Variants in ZFYVE21 observed in about 807,000 individuals in gnomAD.
ZFYVE21 encodes zinc finger FYVE domain-containing protein 21.
ZFYVE21 carries 21 observed loss-of-function variants against 29.5 expected under a neutral mutation model. The observed-to-expected ratio is 0.71, with a 90% CI of 0.50 to 1.02. The LOEUF is 1.02. Among genes scored for constraint, ZFYVE21 ranks in the 50% least tolerant of loss-of-function variants. ZFYVE21 has a pLI of 0.00. For missense variants in ZFYVE21, 326 were observed against 335.4 expected, an observed-to-expected ratio of 0.97 and a Z score of 0.22; for synonymous variants, 151 against 133.8, an observed-to-expected ratio of 1.13 and a Z score of -0.89.
rs186265450 is a variant in ZFYVE21 at position 103,724,226 on chromosome 14, C to T, written c.139-2566C>T. ...AGGGGCCTGTGTTCCAGAAGGTGCT[C>T]GGCCCCGGTGACCCCACAGGCCTTG... is the stretch of plus-strand genomic sequence containing the variant. On this transcript the variant is annotated intron_variant, in intron 1 of 6. Transcript: ENST00000311141. Among the ~76,000 whole-genome samples the T allele has an allele frequency of 2.7e-3, 406 of 152,358 alleles. 3 individuals are homozygous for T. Among genetic ancestry groups the T allele is most frequent in the African/African-American group, 9.1e-3 (378 of 41,588 alleles).
intron 1 of ZFYVE21, among the ~76,000 whole-genome samples, chr14:103,717,186 G>C (rs1332870731): frequency 6.6e-6 from 1 of 152,190 alleles, no homozygotes; most frequent in East Asian, 1.9e-4. Context: ...CACTGAGCGT[G>C]TCCTGGAGAG....
Position 103,729,610 on chromosome 14 carries a change from C to T in ZFYVE21, c.526+428C>T, listed in dbSNP as rs2083957077. ...GCAGACTAAACCCCTGGTGCATTTC[C>T]TGGTGAGCTTTGGCCCATCCTGGGC... On this transcript the variant is annotated intron_variant, in intron 5 of 6. Transcript: ENST00000311141. 22 of 739,128 alleles carry T rather than the reference C, an allele frequency of 3.0e-5. No individual in the cohort carries two copies. The South Asian group carries it at 3.8e-4, about 13-fold the overall frequency. 45.8% of individuals were successfully genotyped at this position (739,128 alleles called of 1,614,324 possible).
chr14:103,728,000 C>A, intron 3 of ZFYVE21, 86 bp downstream of exon 3: 2 of 1,398,942 alleles, frequency 1.4e-6, no homozygotes, highest in Non-Finnish European at 9.6e-7. Context: ...GTGCACGGGG[C>A]GTTCTGCTTC....
chr14:103,726,951 T>TTTTTTTTTTGTTG, intron 2 of ZFYVE21, 109 bp downstream of exon 2: 30 of 1,180,194 alleles, frequency 2.5e-5, no homozygotes, highest in Non-Finnish European at 2.7e-5. Flanking sequence ...ATGGCTCGTT[T>TTTTTTTTTTGTTG]TTTTTTTTTT....
chr14:103,719,738 A>G (rs776131662), intron 1 of ZFYVE21, among the ~76,000 whole-genome samples: 2 of 151,988 alleles, frequency 1.3e-5, no homozygotes, highest in Non-Finnish European at 2.9e-5. Context: ...CAGAGCCTCC[A>G]CAGGTGTTCT....
chr14:103,724,224 C>G (rs1277405630), intron 1 of ZFYVE21, among the ~76,000 whole-genome samples: 1 of 152,248 alleles, frequency 6.6e-6, no homozygotes, highest in Non-Finnish European at 1.5e-5. Context: ...CCAGAAGGTG[C>G]TCGGCCCCGG....
rs561521645 is a variant in ZFYVE21 at position 103,729,526 on chromosome 14, G to C, written c.526+344G>C. ...ATGCAATAACTGAGATCCCCAAAAA[G>C]GTCTGAATGGTGGCTCATCGGGAGC... On this transcript the variant is annotated intron_variant, in intron 5 of 6. Coordinates refer to ENST00000311141, the MANE Select transcript of ZFYVE21 (RefSeq NM_024071.4). 5 of 581,244 alleles carry C rather than the reference G, an allele frequency of 8.6e-6. No homozygotes were observed. In the Admixed American group the frequency reaches 9.8e-5, roughly 11 times the overall value. 36.0% of individuals were successfully genotyped at this position (581,244 alleles called of 1,614,324 possible).
At chr14:103,729,871 G>A (rs1225382238) in intron 5 of ZFYVE21, 4 of 1,535,766 alleles carry the variant, frequency 2.6e-6, no homozygotes, top group Middle Eastern at 1.7e-4. Context: ...CCTCACCGGG[G>A]CTCCCCGCAT....
In ZFYVE21 at chr14:103,733,023, A is replaced by G. The variant is rs762276886; in HGVS notation, c.*5A>G. 1 of 1,614,108 alleles carries G rather than the reference A, an allele frequency of 6.2e-7. No individual in the cohort carries two copies. The highest frequency in any genetic ancestry group is 2.2e-5 in the East Asian group (1 of 44,882). On this transcript the variant is annotated 3_prime_UTR_variant, in exon 7 of 7. Transcript: ENST00000311141. ...TATGAATCTCGGGACCAGTAACTCT[A>G]CGTGGGGCTGAGCTTGGAGTACGTG...
At position 103,726,808 on chromosome 14, in the gene ZFYVE21, A is replaced by G. The variant is rs749892224; in HGVS notation, c.155A>G (p.Gln52Arg). Reference protein sequence around the residue: ...VPDKECRRCMQCDAKFDFLTR... With the variant: ...VPDKECRRCMRCDAKFDFLTR... ...CTTTCCTAGTGTCGGAGATGTATGC[A>G]GTGTGACGCCAAGTTTGACTTTCTC... The change falls in exon 2 of 7, where the codon CAG (glutamine) becomes CGG (arginine). Residue 52 changes from glutamine to arginine, a missense_variant. Physicochemically the swap from Gln to Arg is conservative, Grantham distance 43 (BLOSUM62 1). Coordinates refer to ENST00000311141, the MANE Select transcript of ZFYVE21 (RefSeq NM_024071.4). 2.4e-5 allele frequency: 38 copies of G among 1,613,788 alleles called. No individual in the cohort carries two copies. The highest frequency in any genetic ancestry group is 3.1e-5 in the Non-Finnish European group (37 of 1,179,918).
intron 1 of ZFYVE21, among the ~76,000 whole-genome samples, chr14:103,724,053 A>C (rs961961184): frequency 6.6e-6 from 1 of 152,176 alleles, no homozygotes; most frequent in Non-Finnish European, 1.5e-5. Context: ...CAGGGCAGGG[A>C]AGAGTCCCCA....
chr14:103,732,061 G>A (rs908530260), intron 5 of ZFYVE21: 1 of 152,364 alleles, frequency 6.6e-6, no homozygotes, highest in Non-Finnish European at 1.5e-5. Flanking sequence ...GCATTTCCCT[G>A]ACACTGGGCC....
rs147616069 is a variant in ZFYVE21 at position 103,726,507 on chromosome 14, T to C, written c.139-285T>C. On this transcript the variant is annotated intron_variant, in intron 1 of 6. Transcript: ENST00000311141. ...GAGGGACCTGAAGTGCCAGGATGCA[T>C]GCTCTGCTGCGAGACAGTCAAACCC... 1,566 of 399,606 alleles carry C rather than the reference T, an allele frequency of 3.9e-3. 25 individuals carry two copies. The highest frequency in any genetic ancestry group is 0.03 in the African/African-American group (1,442 of 48,102). 24.8% of individuals were successfully genotyped at this position (399,606 alleles called of 1,614,324 possible).
At chr14:103,727,617 G>C in intron 2 of ZFYVE21, 129 bp from the exon 3 acceptor site, 2 of 1,210,400 alleles carry the variant, frequency 1.7e-6, no homozygotes, top group South Asian at 1.3e-5. Context: ...GGAGGTGCGC[G>C]TGTGCAGCGG....
chr14:103,725,199 A>G (rs1213403595), intron 1 of ZFYVE21: 2 of 152,324 alleles, frequency 1.3e-5, no homozygotes, highest in Non-Finnish European at 2.9e-5. Context: ...TCCCCCTGCC[A>G]TCTGGAGTGA....
chr14:103,724,757 C>G (rs919784165), intron 1 of ZFYVE21: 1 of 152,254 alleles, frequency 6.6e-6, no homozygotes. Flanking sequence ...TTCATTGAAC[C>G]CACACCTGTT....
intron 2 of ZFYVE21, 53 bp from the exon 3 acceptor site, chr14:103,727,693 G>T: frequency 1.3e-6 from 2 of 1,591,318 alleles, no homozygotes. Context: ...GCCACACCCG[G>T]GGCCGCTTGT....
At chr14:103,729,627 A>G in intron 5 of ZFYVE21, 2 of 868,856 alleles carry the variant, frequency 2.3e-6, no homozygotes, top group Non-Finnish European at 3.5e-6. Context: ...GCTTTGGCCC[A>G]TCCTGGGCCT....
chr14:103,728,206 C>T, intron 3 of ZFYVE21: 1 of 334,088 alleles, frequency 3.0e-6, no homozygotes, highest in Non-Finnish European at 5.5e-6. Context: ...CGGGTGGAAC[C>T]CGGCGCCGGC....
Sources: gnomAD v4.1 joint callset for allele counts (sites outside exome capture counted in the v4.1 genomes callset) on GRCh38, gnomAD v4.1.1 for gene constraint, MANE v1.5 for transcripts, NCBI Gene and HGNC (gene_info 2026-07-23, HGNC 2026-07-21) for gene names.